Variants in LBR observed in about 807,000 individuals in gnomAD.
LBR encodes delta(14)-sterol reductase LBR.
A neutral mutation model predicts 74.3 loss-of-function variants in LBR; 28 were observed. The observed-to-expected ratio is 0.38, with a 90% CI of 0.28 to 0.52. The LOEUF is 0.52. LBR is among the 20% of genes least tolerant of loss of function. The pLI, the probability that LBR is intolerant of heterozygous loss-of-function variation, is 0.89. For missense variants in LBR, 717 were observed against 760.3 expected (o/e 0.94, Z 0.67); for synonymous variants, 228 against 269.3 (o/e 0.85, Z 1.50).
At chr1:225,406,059 C>A (rs1367899938) in intron 11 of LBR, among the ~76,000 whole-genome samples, 1 of 152,190 alleles carries the variant, frequency 6.6e-6, no homozygotes, top group Admixed American at 6.5e-5. Context: ...CAGTCTTTCC[C>A]AACCTCATCT....
chr1:225,407,609 A>G (rs2096095030), intron 10 of LBR, among the ~76,000 whole-genome samples: 1 of 152,204 alleles, frequency 6.6e-6, no homozygotes, highest in Admixed American at 6.5e-5. Flanking sequence ...CGGAACCACC[A>G]CCAAGGTCAA....
At position 225,410,311 on chromosome 1, in the gene LBR, C is replaced by T. The variant is rs1354117075; in HGVS notation, c.1294G>A (p.Val432Met). 3 of 1,614,140 alleles carry T rather than the reference C, an allele frequency of 1.9e-6. No individual in the cohort carries two copies. Among genetic ancestry groups the T allele is most frequent in the Non-Finnish European group, 2.5e-6 (3 of 1,180,024 alleles). ...LVNSFQLLYV[V>M]DALWNEEALL... ...ATTACCTCATTCCAGAGAGCATCCA[C>T]CACATAGAGAAGCTGGAAACTATTA... The change falls in exon 10 of 14, where the codon GTG becomes ATG. Residue 432 changes from valine (V) to methionine (M), a missense_variant. Val to Met is a conservative substitution (Grantham distance 21, BLOSUM62 1). Coordinates refer to ENST00000272163, the MANE Select transcript of LBR (RefSeq NM_002296.4).
intron 9 of LBR, 116 bp from the exon 10 acceptor site, chr1:225,410,532 T>G: frequency 9.7e-7 from 1 of 1,032,462 alleles, no homozygotes; most frequent in Non-Finnish European, 1.5e-6. Context: ...CCGTAACTCC[T>G]ACCCGCCACC....
At chr1:225,407,344 A>G (rs2096094258) in intron 10 of LBR, among the ~76,000 whole-genome samples, 1 of 152,220 alleles carries the variant, frequency 6.6e-6, no homozygotes, top group South Asian at 2.1e-4. Context: ...AGAAGTGTTC[A>G]AAATATGCTT....
intron 9 of LBR, 109 bp downstream of exon 9, chr1:225,411,227 AT>A: frequency 2.5e-6 from 2 of 813,984 alleles, no homozygotes; most frequent in South Asian, 2.7e-5. Flanking sequence ...AGCCATAATT[AT>A]CCCTAAAAAT....
chr1:225,428,045 C>G (rs1327020468), upstream of LBR: 1 of 152,032 alleles, frequency 6.6e-6, no homozygotes, highest in African/African-American at 2.4e-5. Context: ...CGCTACCCGG[C>G]CGCGCTCTCG....
chr1:225,420,390 A>G (rs1007411492), intron 3 of LBR, among the ~76,000 whole-genome samples: 3 of 152,110 alleles, frequency 2.0e-5, no homozygotes, highest in African/African-American at 7.2e-5. Context: ...AGGGGTATTT[A>G]CTATGAAAGG....
rs544535560 is a variant in LBR, at chr1:225,403,507, A to G, written c.1688-44T>C. 36 of 1,481,968 alleles carry G rather than the reference A, an allele frequency of 2.4e-5. No homozygotes were observed. In the East Asian group the frequency reaches 6.9e-4, roughly 28 times the overall value. 91.8% of individuals were successfully genotyped at this position (1,481,968 alleles called of 1,614,324 possible). On this transcript the variant is annotated intron_variant, in intron 13 of 13. Transcript: ENST00000272163. ...CACAGTATTAGATATTTTTATTATC[A>G]CTACAATGTATTTTTTCCTGCTTTC...
chr1:225,423,755 C>T (rs2096133007), intron 2 of LBR, among the ~76,000 whole-genome samples, 156 bp downstream of exon 2: 1 of 152,216 alleles, frequency 6.6e-6, no homozygotes. Context: ...CTCATTCATA[C>T]ATTCCCAGAG....
At chr1:225,422,989 C>T (rs188430494) in intron 2 of LBR, among the ~76,000 whole-genome samples, 32 of 152,334 alleles carry the variant, frequency 2.1e-4, no homozygotes, top group African/African-American at 7.7e-4. Flanking sequence ...CTGCCTGGAG[C>T]CGCTCCCATA....
At chr1:225,412,726 T>C in intron 7 of LBR, 81 bp from the exon 8 acceptor site, 5 of 1,219,428 alleles carry the variant, frequency 4.1e-6, no homozygotes, top group East Asian at 2.5e-5. Flanking sequence ...TATGAAACAA[T>C]GCAATGTTCA....
At chr1:225,415,691 A>G (rs1451039371) in intron 6 of LBR, among the ~76,000 whole-genome samples, 1 of 152,088 alleles carries the variant, frequency 6.6e-6, no homozygotes, top group Non-Finnish European at 1.5e-5. Flanking sequence ...AACATCTACC[A>G]ATGGCTACCA....
chr1:225,415,462 C>T (rs2096115368), intron 6 of LBR, 130 bp from the exon 7 acceptor site: 5 of 607,924 alleles, frequency 8.2e-6, no homozygotes, highest in African/African-American at 1.9e-5. Flanking sequence ...TATCTTGTAA[C>T]ATGGAAATTT....
chr1:225,423,414 C>CT, intron 2 of LBR, among the ~76,000 whole-genome samples: 1 of 152,154 alleles, frequency 6.6e-6, no homozygotes, highest in Non-Finnish European at 1.5e-5. Context: ...TATAAAAGCC[C>CT]CCCCAGCCTG....
chr1:225,404,380 C>T (rs1343306813), intron 13 of LBR, 24 bp downstream of exon 13: 2 of 1,613,408 alleles, frequency 1.2e-6, no homozygotes, highest in Admixed American at 3.3e-5. Flanking sequence ...AAGGGTCAAA[C>T]TAGCACTCTT....
At chr1:225,410,246 T>C (rs750281873) in intron 10 of LBR, 45 bp downstream of exon 10, 2 of 1,611,690 alleles carry the variant, frequency 1.2e-6, no homozygotes, top group Non-Finnish European at 1.7e-6. Context: ...ACTCACCCAC[T>C]CAAAGCCATC....
chr1:225,423,393 T>C (rs2096131957), intron 2 of LBR, among the ~76,000 whole-genome samples: 1 of 152,124 alleles, frequency 6.6e-6, no homozygotes, highest in African/African-American at 2.4e-5. Flanking sequence ...CCCAAACCCT[T>C]GGGCATGGAA....
At chr1:225,417,923 G>A (rs765494605) in intron 6 of LBR, 61 bp downstream of exon 6, 92 of 1,497,404 alleles carry the variant, frequency 6.1e-5, no homozygotes, top group East Asian at 7.0e-5. Context: ...TTGGAGACCC[G>A]CCTGGACAAT....
At chr1:225,422,460 A>G (rs1241528853) in intron 2 of LBR, 183 bp from the exon 3 acceptor site, 6 of 625,418 alleles carry the variant, frequency 9.6e-6, no homozygotes, top group Admixed American at 2.5e-5. Context: ...ATAATGATCC[A>G]TCTTTCATGA....
Sources: gnomAD v4.1 joint callset for allele counts (sites outside exome capture counted in the v4.1 genomes callset) on GRCh38, gnomAD v4.1.1 for gene constraint, MANE v1.5 for transcripts, NCBI Gene and HGNC (gene_info 2026-07-23, HGNC 2026-07-21) for gene names.